PDE4DIP: variants seen among roughly 807,000 people sequenced by gnomAD.
The protein encoded by PDE4DIP is myomegalin.
PDE4DIP carries 59 observed loss-of-function variants against 221.4 expected under a neutral mutation model. That is an observed-to-expected ratio of 0.27 (90% CI 0.22 to 0.33). PDE4DIP has a LOEUF of 0.33. Among genes scored for constraint, PDE4DIP ranks in the 10% least tolerant of loss-of-function variants. The probability of loss-of-function intolerance (pLI) is 1.00; values close to 1 mark genes in which losing one functional copy is unlikely to be tolerated. For synonymous variants in PDE4DIP, 404 were observed against 815.9 expected, an observed-to-expected ratio of 0.50 and a Z score of 8.60; for missense variants, 1,036 against 2,154.2, an observed-to-expected ratio of 0.48 and a Z score of 10.28.
rs376634567 is a variant in PDE4DIP at position 149,005,460 on chromosome 1, A to G, written c.4415+23A>G. 1.2e-5 allele frequency: 18 copies of G among 1,441,928 alleles called. No individual in the cohort carries two copies. The African/African-American group carries it at 2.4e-4, about 19-fold the overall frequency. 89.3% of individuals were successfully genotyped at this position (1,441,928 alleles called of 1,614,324 possible). ...TGGGTAAGGATGGCACTGTTTGGGT[A>G]CTTTCTTGATTGAAAATGTGTAAGT... On this transcript the variant is annotated intron_variant, in intron 27 of 43. Transcript: ENST00000369354.
At position 149,028,718 on chromosome 1, in the gene PDE4DIP, C is replaced by T. The variant is rs782268299; in HGVS notation, c.6813+15C>T. Reference sequence around the variant, plus strand: ...CTGGCAAAGTGGTAAGATGCCAGTGCCCTTTCTTGGTTCAAACCCAGTTCT... The same window carrying T: ...CTGGCAAAGTGGTAAGATGCCAGTGTCCTTTCTTGGTTCAAACCCAGTTCT... On this transcript the variant is annotated intron_variant, in intron 41 of 43. Coordinates refer to ENST00000369354, the Ensembl canonical transcript of PDE4DIP. 35 of 1,508,400 alleles carry T rather than the reference C, an allele frequency of 2.3e-5. No individual in the cohort carries two copies. Among genetic ancestry groups the T allele is most frequent in the South Asian group, 5.8e-5 (5 of 86,476 alleles). 93.4% of individuals were successfully genotyped at this position (1,508,400 alleles called of 1,614,324 possible).
intron 5 of PDE4DIP, chr1:148,953,204 G>C (rs2054053118): frequency 6.2e-7 from 1 of 1,613,944 alleles, no homozygotes. Flanking sequence ...TGAGTGCTGG[G>C]TGGAGAATGA....
chr1:148,967,620 A>C (rs2058430828), intron 12 of PDE4DIP, 106 bp from the exon 16 acceptor site: 1 of 608,570 alleles, frequency 1.6e-6, no homozygotes, highest in Non-Finnish European at 2.9e-6. Flanking sequence ...TTGCAAATAA[A>C]AAAAAATTGA....
At chr1:148,826,075 C>A (rs1670469040) in intron 1 of PDE4DIP, among the ~76,000 whole-genome samples, 1 of 85,812 alleles carries the variant, frequency 1.2e-5, no homozygotes, top group Admixed American at 1.2e-4. Flanking sequence ...GTGCCTTGCT[C>A]CTCTCATCCT....
At chr1:148,964,054 G>A (rs1237018202) in intron 9 of PDE4DIP, among the ~76,000 whole-genome samples, 8 of 149,320 alleles carry the variant, frequency 5.4e-5, no homozygotes, top group South Asian at 2.1e-4. Context: ...CACTGCGCCC[G>A]GCCTCTTTCT....
At chr1:148,911,872 A>C (rs1297771739) in intron 1 of PDE4DIP, among the ~76,000 whole-genome samples, 14 of 149,880 alleles carry the variant, frequency 9.3e-5, no homozygotes, top group Admixed American at 9.3e-4. Flanking sequence ...GGCCACTTCA[A>C]GTCAGCAAGG....
intron 9 of PDE4DIP, among the ~76,000 whole-genome samples, chr1:148,963,775 A>T: frequency 1.9e-5 from 1 of 53,188 alleles, no homozygotes; most frequent in African/African-American, 8.8e-5. Context: ...TTTTTTTGAG[A>T]CAGAGTCTCG....
rs782356343 is a variant in PDE4DIP, at chr1:148,978,055, T to G, written c.2436+2T>G. 1.2e-6 allele frequency: 2 copies of G among 1,611,878 alleles called. No homozygotes were observed. Among genetic ancestry groups the G allele is most frequent in the Non-Finnish European group, 1.7e-6 (2 of 1,179,066 alleles). On this transcript the variant is annotated splice_donor_variant, in intron 18 of 43. Transcript: ENST00000369354. LOFTEE classifies it high-confidence loss of function. ...CAGATTAAAGAAGATCTCATAAAGG[T>G]CTTTCAAAACTTTTTAAAGACCACT...
chr1:148,934,361 G>A (rs1386939410), intron 4 of PDE4DIP, among the ~76,000 whole-genome samples: 4 of 151,688 alleles, frequency 2.6e-5, no homozygotes, highest in Admixed American at 1.3e-4. Flanking sequence ...CCCAAGTAAA[G>A]CACATGCACA....
intron 43 of PDE4DIP, 77 bp downstream of exon 46, chr1:149,030,355 G>A: frequency 6.4e-7 from 1 of 1,552,408 alleles, no homozygotes; most frequent in South Asian, 1.2e-5. Flanking sequence ...GATCTTGTAG[G>A]TGACCCTTGG....
chr1:148,965,541 C>G (rs781824690), exon 10 of PDE4DIP: 1 of 1,609,496 alleles, frequency 6.2e-7, no homozygotes, highest in Admixed American at 1.7e-5. Flanking sequence ...GAGCCAACAG[C>G]TTCGTGCCTG....
chr1:149,030,971 A>G, intron 43 of PDE4DIP: 1 of 384,362 alleles, frequency 2.6e-6, no homozygotes, highest in Non-Finnish European at 3.5e-6. Flanking sequence ...CAGAAACTAA[A>G]CCTTTTAACA....
intron 19 of PDE4DIP, among the ~76,000 whole-genome samples, 189 bp downstream of exon 22, chr1:148,978,604 A>T (rs1553539791): frequency 1.3e-5 from 2 of 151,868 alleles, no homozygotes; most frequent in Non-Finnish European, 2.9e-5. Context: ...CCACATTGAG[A>T]CAAGGTCTCA....
chr1:149,023,519 A>C (rs1211808478), intron 37 of PDE4DIP, among the ~76,000 whole-genome samples: 1 of 147,556 alleles, frequency 6.8e-6, no homozygotes, highest in Admixed American at 6.8e-5. Context: ...CATGTGGTGA[A>C]TGGAGGTAAA....
At chr1:148,998,508 G>A (rs1337654735) in intron 23 of PDE4DIP, 133 bp downstream of exon 26, 18 of 558,546 alleles carry the variant, frequency 3.2e-5, no homozygotes, top group Middle Eastern at 4.7e-4. Context: ...TTGGCTAATG[G>A]TAATCACTTT....
chr1:149,032,273 G>T (rs1379096187), exon 44 of PDE4DIP: 2 of 600,640 alleles, frequency 3.3e-6, no homozygotes, highest in Non-Finnish European at 3.0e-6. Context: ...AAGGTTTTGT[G>T]ATCCTGCCTC....
intron 1 of PDE4DIP, among the ~76,000 whole-genome samples, chr1:148,914,912 A>G (rs2043562195): frequency 7.9e-6 from 1 of 126,692 alleles, no homozygotes; most frequent in Non-Finnish European, 1.7e-5. Context: ...TTCCATTAGA[A>G]AGTGAAATAT....
rs1199522939 is a variant in PDE4DIP at position 148,983,471 on chromosome 1, A to G, written c.2815+2074A>G. ...GTCATAAATGTGACTAGAATATGGT[A>G]CTAACTTTTTCGGGTCTAGATAGCT... On this transcript the variant is annotated intron_variant, in intron 21 of 43. Transcript: ENST00000369354. 3 of 152,544 alleles carry G rather than the reference A, an allele frequency of 2.0e-5. No individual in the cohort carries two copies. The East Asian group carries it at 5.8e-4, about 29-fold the overall frequency. 9.4% of individuals were successfully genotyped at this position (152,544 alleles called of 1,614,324 possible).
intron 5 of PDE4DIP, among the ~76,000 whole-genome samples, chr1:148,959,841 ATTTAT>A (rs1342444166): frequency 6.7e-6 from 1 of 150,034 alleles, no homozygotes; most frequent in African/African-American, 2.5e-5. Context: ...TCTATTTTAA[ATTTAT>A]TTTAATTTTT....
Sources: gnomAD v4.1 joint callset for allele counts (sites outside exome capture counted in the v4.1 genomes callset) on GRCh38, gnomAD v4.1.1 for gene constraint, MANE v1.5 for transcripts, NCBI Gene and HGNC (gene_info 2026-07-23, HGNC 2026-07-21) for gene names.